The following BAZ2A variants were observed in gnomAD, a reference collection of about 807,000 sequenced individuals.
BAZ2A encodes bromodomain adjacent to zinc finger domain protein 2A.
A neutral mutation model predicts 199.9 loss-of-function variants in BAZ2A; 34 were observed. The observed-to-expected ratio is 0.17, with a 90% CI of 0.13 to 0.23. BAZ2A has a LOEUF of 0.23. Among genes scored for constraint, BAZ2A ranks in the 10% least tolerant of loss-of-function variants. The pLI is 1.00. For synonymous variants in BAZ2A, 857 were observed against 883.9 expected (o/e 0.97, Z 0.54); for missense variants, 2,002 against 2,391.1 (o/e 0.84, Z 3.39).
chr12:56,613,860 T>A, intron 4 of BAZ2A, 93 bp downstream of exon 4: 3 of 1,359,668 alleles, frequency 2.2e-6, no homozygotes, highest in Non-Finnish European at 3.0e-6. Context: ...GTGCCCCTGA[T>A]TGCCTAATAC....
chr12:56,624,977 G>A (rs913041045), intron 1 of BAZ2A, among the ~76,000 whole-genome samples: 1 of 151,838 alleles, frequency 6.6e-6, no homozygotes, highest in Non-Finnish European at 1.5e-5. Flanking sequence ...CATATAATAG[G>A]TTTTTATATA....
At chr12:56,620,256 G>C (rs1041783222) in intron 1 of BAZ2A, among the ~76,000 whole-genome samples, 5 of 151,944 alleles carry the variant, frequency 3.3e-5, no homozygotes, top group Admixed American at 6.6e-5. Context: ...AGTTGTCCTG[G>C]GTGGGCTGGA....
chr12:56,599,199 C>T lies in BAZ2A; in HGVS notation c.5332G>A (p.Glu1778Lys). The T allele has an allele frequency of 6.2e-7, 1 of 1,613,362 alleles. No homozygotes were observed. Among genetic ancestry groups the T allele is most frequent in the Middle Eastern group, 1.7e-4 (1 of 6,056 alleles). ...CGCCGCTTGGAGGGGGAGAGCCCTTCTTCCGAGTACCGAGGCCCTGCTGCT... is the reference window on the plus strand; with the variant it reads ...CGCCGCTTGGAGGGGGAGAGCCCTTTTTCCGAGTACCGAGGCCCTGCTGCT... The part of the protein sequence containing the change: ...SPAAGPRYSE[E>K]GLSPSKRRRL... Residue 1778 changes from glutamate (E) to lysine (K), a missense_variant, in exon 27 of 29, where the codon GAA (glutamate) becomes AAA (lysine). Transcript: ENST00000549884.
At chr12:56,599,571 AC>A in intron 26 of BAZ2A, 130 bp downstream of exon 26, 1 of 1,372,836 alleles carries the variant, frequency 7.3e-7, no homozygotes, top group African/African-American at 1.5e-5. Context: ...AATTTAAGTG[AC>A]TTGTCCAAAA....
Position 56,612,049 on chromosome 12 carries a change from G to A in BAZ2A, c.1333C>T (p.Pro445Ser), listed in dbSNP as rs1409374854. ...GGACAAACTTCTGGAGAGATTTCTG[G>A]GGAGGCTGCTGGAGAAACCACTAGG... ...VSLVVSPAASPEISPEVCPAA... is the reference protein window; with the variant it reads ...VSLVVSPAASSEISPEVCPAA... Residue 445 changes from proline (P) to serine (S), a missense_variant, in exon 6 of 29, where the codon CCA (proline) becomes TCA (serine). Coordinates refer to ENST00000549884, the MANE Select transcript of BAZ2A (RefSeq NM_001300905.2). The A allele has an allele frequency of 1.2e-6, 2 of 1,613,732 alleles. No individual in the cohort carries two copies. The highest frequency in any genetic ancestry group is 1.7e-5 in the Admixed American group (1 of 60,004).
intron 11 of BAZ2A, 82 bp downstream of exon 11, chr12:56,606,551 C>T (rs1030081467): frequency 1.5e-5 from 21 of 1,378,002 alleles, no homozygotes; most frequent in Non-Finnish European, 2.2e-5. Flanking sequence ...CAGGGAGTGA[C>T]GGATGTGGGA....
chr12:56,632,386 T>C (rs1951336033), upstream of BAZ2A, among the ~76,000 whole-genome samples: 1 of 152,024 alleles, frequency 6.6e-6, no homozygotes, highest in African/African-American at 2.4e-5. Flanking sequence ...TGAGGGAGAA[T>C]CTTCCTACCT....
At chr12:56,606,209 T>C (rs748185187) in intron 12 of BAZ2A, 38 bp downstream of exon 12, 18 of 1,613,064 alleles carry the variant, frequency 1.1e-5, no homozygotes, top group Non-Finnish European at 1.5e-5. Flanking sequence ...GTTTAGTGGC[T>C]TCGAAATTAT....
At chr12:56,604,158 A>G (rs1950270100) in intron 16 of BAZ2A, 59 bp downstream of exon 16, 1 of 1,498,178 alleles carries the variant, frequency 6.7e-7, no homozygotes, top group East Asian at 2.4e-5. Flanking sequence ...AACCCTGGCT[A>G]TGCTTCACCC....
Position 56,596,135 on chromosome 12 carries a change from C to A in BAZ2A, c.*2483G>T, listed in dbSNP as rs1361356361. ...AAAACTGTACATTATCAAAAAGTCA[C>A]TAAAACACCACATTTGGTTATATAA... is the stretch of plus-strand genomic sequence containing the variant. On this transcript the variant is annotated 3_prime_UTR_variant, in exon 29 of 29. Transcript: ENST00000549884. The A allele has an allele frequency of 6.5e-6, 1 of 152,680 alleles. No homozygotes were observed. The highest frequency in any genetic ancestry group is 2.4e-5 in the African/African-American group (1 of 41,456). 9.5% of individuals were successfully genotyped at this position (152,680 alleles called of 1,614,324 possible). A position where few individuals can be genotyped will look rare whatever the true frequency, so the allele number is the denominator to read the frequency against.
At chr12:56,627,465 CA>C (rs34107563) in intron 1 of BAZ2A, among the ~76,000 whole-genome samples, 35,424 of 112,254 alleles carry the variant, frequency 0.32, 4,509 homozygotes, top group Middle Eastern at 0.39. Context: ...GACTCCATCT[CA>C]AAAAAAAAAA....
chr12:56,615,100 T>C lies in BAZ2A; in HGVS notation c.644A>G (p.Glu215Gly). 2 of 1,613,944 alleles carry C rather than the reference T, an allele frequency of 1.2e-6. No individual in the cohort carries two copies. Among genetic ancestry groups the C allele is most frequent in the South Asian group, 2.2e-5 (2 of 91,038 alleles). ...TGAAGTCATCTCCTTTTCTGCTGCC[T>C]CATCAGGATGGATACCACTGCCTAC... ...QEVGSGIHPD[E>G]AAEKEMTSVV... is the part of the protein sequence containing the mutation. Residue 215 changes from glutamate (E) to glycine (G), a missense_variant, in exon 3 of 29, where the codon GAG (glutamate) becomes GGG (glycine). Glu to Gly is a moderately conservative substitution (Grantham distance 98). This residue lies in a region of BAZ2A where 641 missense variants were observed against 694.5 expected (regional missense o/e 0.92). Transcript: ENST00000549884.
upstream of BAZ2A, among the ~76,000 whole-genome samples, chr12:56,637,999 G>A (rs1222740165): frequency 6.6e-6 from 1 of 152,192 alleles, no homozygotes; most frequent in Non-Finnish European, 1.5e-5. Flanking sequence ...CTGGTGATGT[G>A]AGACTACATA....
intron 1 of BAZ2A, among the ~76,000 whole-genome samples, chr12:56,625,113 G>A (rs1407022564): frequency 6.6e-6 from 1 of 151,098 alleles, no homozygotes. Flanking sequence ...GTTATATTAA[G>A]GTAATTTCCC....
In BAZ2A at chr12:56,602,138, G is replaced by T; in HGVS notation, c.3479C>A (p.Ala1160Glu). The change falls in exon 20 of 29, where the codon GCG becomes GAG. Residue 1160 changes from alanine to glutamate, a missense_variant. This residue lies in a region of BAZ2A where 1,081 missense variants were observed against 1,274.7 expected (regional missense o/e 0.85). Coordinates refer to ENST00000549884, the MANE Select transcript of BAZ2A (RefSeq NM_001300905.2). The stretch of plus-strand genomic sequence containing the variant: ...AGAGAAGAGGGCAGGGTTGAGTGAC[G>T]CATGGGCTGCCACTTTTAAGGAGTC... ...ETDSLKVAAH[A>E]SLNPALFSMK... is the part of the protein sequence containing the mutation. 2 of 1,592,944 alleles carry T rather than the reference G, an allele frequency of 1.3e-6. No homozygotes were observed. Among genetic ancestry groups the T allele is most frequent in the Non-Finnish European group, 1.7e-6 (2 of 1,169,462 alleles).
In BAZ2A at chr12:56,614,158, A is replaced by C. The variant is rs371466898; in HGVS notation, c.731-20T>G. The C allele has an allele frequency of 1.2e-6, 2 of 1,607,068 alleles. No individual in the cohort carries two copies. Among genetic ancestry groups the C allele is most frequent in the African/African-American group, 2.7e-5 (2 of 74,808 alleles). ...TCAGTTCTAGGAAATCACAGGAGAGACCAAAAGTCAAAATCAGTGCCTTAT... is the reference window on the plus strand; with the variant it reads ...TCAGTTCTAGGAAATCACAGGAGAGCCCAAAAGTCAAAATCAGTGCCTTAT... On this transcript the variant is annotated intron_variant, in intron 3 of 28. Transcript: ENST00000549884.
rs1488755761 is a variant in BAZ2A at position 56,601,931 on chromosome 12, G to A, written c.3686C>T (p.Ala1229Val). The A allele has an allele frequency of 6.3e-6, 10 of 1,584,270 alleles. No homozygotes were observed. Among genetic ancestry groups the A allele is most frequent in the East Asian group, 4.6e-5 (2 of 43,190 alleles). ...LQPEAQLHAP[A>V]QPQPQLQLQL... ...AAGCTGAAGCTGAGGCTGGGGCTGG[G>A]CAGGAGCATGAAGCTGAGCCTCAGG... Residue 1229 changes from alanine (A) to valine (V), a missense_variant, in exon 20 of 29, where the codon GCC becomes GTC. This residue lies in a region of BAZ2A where 1,081 missense variants were observed against 1,274.7 expected (regional missense o/e 0.85). Transcript: ENST00000549884.
chr12:56,611,338 T>C lies in BAZ2A; in HGVS notation c.1670+235A>G, dbSNP rs184191748. 348 of 572,254 alleles carry C rather than the reference T, an allele frequency of 6.1e-4. 1 individual carries two copies. The highest frequency in any genetic ancestry group is 1.9e-3 in the Middle Eastern group (4 of 2,160). The allele number at this position is 572,254 out of a possible 1,614,324, so 35.4% of individuals were successfully genotyped here. A position where few individuals can be genotyped will look rare whatever the true frequency, so the allele number is the denominator to read the frequency against. On this transcript the variant is annotated intron_variant, in intron 7 of 28. Coordinates refer to ENST00000549884, the MANE Select transcript of BAZ2A (RefSeq NM_001300905.2). ...AATAGCTGGAGCTCCTTGGGCAAAA[T>C]TGAGTCACTACAAGATGAAAAAAGA...
At chr12:56,620,958 A>T in intron 1 of BAZ2A, 1 of 598,924 alleles carries the variant, frequency 1.7e-6, no homozygotes, top group Non-Finnish European at 2.1e-6. Flanking sequence ...TGCAAGAATT[A>T]AAGGAAAGTT....
Sources: allele counts gnomAD v4.1 joint callset (sites outside exome capture counted in the v4.1 genomes callset), GRCh38; gene constraint gnomAD v4.1.1; regional missense constraint gnomAD v4.1.1; transcripts MANE v1.5; gene names NCBI Gene and HGNC (gene_info 2026-07-23, HGNC 2026-07-21).